RFX3: variants seen among roughly 807,000 people sequenced by gnomAD.
RFX3 encodes regulatory factor X3.
RFX3 carries 14 observed loss-of-function variants against 98.6 expected under a neutral mutation model. The ratio of observed to expected loss-of-function variants is 0.14; its 90% CI spans 0.09 to 0.22. The LOEUF is 0.22. Ranked by LOEUF, RFX3 falls within the 10% of genes least tolerant of loss-of-function variation. The probability of loss-of-function intolerance (pLI) is 1.00; values close to 1 mark genes in which losing one functional copy is unlikely to be tolerated. For missense variants in RFX3, 639 were observed against 926.9 expected, an observed-to-expected ratio of 0.69 and a Z score of 4.03; for synonymous variants, 383 against 328.4, an observed-to-expected ratio of 1.17 and a Z score of -1.80.
At chr9:3,428,191 A>G (rs1844299826) in intron 1 of RFX3, among the ~76,000 whole-genome samples, 1 of 152,192 alleles carries the variant, frequency 6.6e-6, no homozygotes, top group Non-Finnish European at 1.5e-5. Context: ...TCAAGGCATT[A>G]CATCAAGGCA....
At chr9:3,384,933 C>G (rs1323401454) in intron 2 of RFX3, among the ~76,000 whole-genome samples, 4 of 152,136 alleles carry the variant, frequency 2.6e-5, no homozygotes, top group Middle Eastern at 3.2e-3. Context: ...TACCTCTATT[C>G]CTCAAATCTT....
At chr9:3,349,202 C>G (rs1042510815) in intron 2 of RFX3, among the ~76,000 whole-genome samples, 1 of 151,720 alleles carries the variant, frequency 6.6e-6, no homozygotes, top group Non-Finnish European at 1.5e-5. Context: ...ATTTTGGTTA[C>G]TGGAGATTTT....
intron 16 of RFX3, 66 bp from the exon 17 acceptor site, chr9:3,225,346 C>T: frequency 6.3e-7 from 1 of 1,584,460 alleles, no homozygotes; most frequent in East Asian, 2.2e-5. Context: ...TCAACAGGTG[C>T]TTTAGAAACA....
At chr9:3,419,843 T>C (rs1843294036) in intron 1 of RFX3, among the ~76,000 whole-genome samples, 1 of 152,270 alleles carries the variant, frequency 6.6e-6, no homozygotes, top group African/African-American at 2.4e-5. Context: ...AATAATTTTT[T>C]ATTGTTTTTC....
chr9:3,238,785 T>G (rs1032407030), intron 15 of RFX3, among the ~76,000 whole-genome samples: 1 of 152,130 alleles, frequency 6.6e-6, no homozygotes, highest in African/African-American at 2.4e-5. Context: ...GTCGGGAGTT[T>G]GACACCAGCC....
intron 5 of RFX3, among the ~76,000 whole-genome samples, chr9:3,299,980 G>T (rs917698809): frequency 6.6e-6 from 1 of 150,716 alleles, no homozygotes. Flanking sequence ...AAGTCTGAAA[G>T]CTGAAACAGG....
intron 1 of RFX3, among the ~76,000 whole-genome samples, chr9:3,456,719 T>G (rs1847183521): frequency 6.6e-6 from 1 of 152,148 alleles, no homozygotes; most frequent in African/African-American, 2.4e-5. Flanking sequence ...TCTGAAACCG[T>G]GCTAAATCAA....
rs568907257 is a variant in RFX3, at chr9:3,395,163, G to T, written c.117+309C>A. On this transcript the variant is annotated intron_variant, in intron 2 of 16. Coordinates refer to ENST00000617270, the MANE Select transcript of RFX3 (RefSeq NM_001282116.2). ...ATAGAAAGTTGTGATAAACAATGAG[G>T]AGAGAAGAGAAGGAGAAAACTTTGA... 4.9e-4 allele frequency among the ~76,000 whole-genome samples: 75 copies of T among 152,294 alleles called. 1 individual carries two copies. The South Asian group carries it at 0.013, about 26-fold the overall frequency.
At chr9:3,478,150 T>G (rs1849431104) in intron 1 of RFX3, among the ~76,000 whole-genome samples, 1 of 152,158 alleles carries the variant, frequency 6.6e-6, no homozygotes, top group Admixed American at 6.5e-5. Flanking sequence ...CACAGGGACT[T>G]TTTTTGTTCG....
chr9:3,444,225 C>T (rs1386078055), intron 1 of RFX3, among the ~76,000 whole-genome samples: 2 of 152,124 alleles, frequency 1.3e-5, no homozygotes, highest in South Asian at 4.2e-4. Context: ...AAATACTACT[C>T]ATCAATAAAA....
chr9:3,426,278 A>T (rs1844018490), intron 1 of RFX3, among the ~76,000 whole-genome samples: 1 of 151,780 alleles, frequency 6.6e-6, no homozygotes, highest in Admixed American at 6.6e-5. Flanking sequence ...ATAATGTATG[A>T]TGATCGGGTC....
At chr9:3,344,339 T>C (rs542911135) in intron 3 of RFX3, among the ~76,000 whole-genome samples, 2 of 152,164 alleles carry the variant, frequency 1.3e-5, no homozygotes, top group Non-Finnish European at 2.9e-5. Context: ...TTTTGAAATA[T>C]TTGCATTATA....
intron 11 of RFX3, 114 bp downstream of exon 11, chr9:3,270,257 C>A: frequency 8.9e-7 from 1 of 1,118,580 alleles, no homozygotes; most frequent in Non-Finnish European, 1.3e-6. Context: ...TGTTTTCTAT[C>A]TGGCAAATCT....
chr9:3,298,262 C>T (rs1270933995), intron 5 of RFX3, among the ~76,000 whole-genome samples: 1 of 151,748 alleles, frequency 6.6e-6, no homozygotes, highest in East Asian at 1.9e-4. Context: ...CTGAAGGCTG[C>T]ATATAGAGAA....
At chr9:3,266,419 A>G in intron 11 of RFX3, 114 bp from the exon 12 acceptor site, 1 of 467,248 alleles carries the variant, frequency 2.1e-6, no homozygotes, top group South Asian at 5.3e-5. Flanking sequence ...CAGAACTCAT[A>G]TTGTCCTCAT....
intron 4 of RFX3, among the ~76,000 whole-genome samples, chr9:3,311,838 T>C (rs914488810): frequency 8.7e-5 from 13 of 148,782 alleles, no homozygotes; most frequent in Non-Finnish European, 1.8e-4. Flanking sequence ...GAGCCAAGAT[T>C]GCACCACTGC....
At chr9:3,506,465 G>C (rs2133785917) in intron 1 of RFX3, among the ~76,000 whole-genome samples, 1 of 151,704 alleles carries the variant, frequency 6.6e-6, no homozygotes, top group East Asian at 1.9e-4. Flanking sequence ...CCAAAGTTTG[G>C]GATATTCAAA....
intron 2 of RFX3, 97 bp from the exon 3 acceptor site, chr9:3,346,861 T>G: frequency 1.3e-6 from 1 of 755,734 alleles, no homozygotes; most frequent in Non-Finnish European, 2.3e-6. Flanking sequence ...GTATTATTGA[T>G]AAATTTGAGA....
chr9:3,289,191 A>G (rs1443205), intron 6 of RFX3, among the ~76,000 whole-genome samples: 31,055 of 152,066 alleles, frequency 0.2, 4,323 homozygotes, highest in African/African-American at 0.4. Flanking sequence ...GAAATGCAAG[A>G]AGAGTGTGGA....
Sources: allele counts gnomAD v4.1 joint callset (sites outside exome capture counted in the v4.1 genomes callset), GRCh38; gene constraint gnomAD v4.1.1; transcripts MANE v1.5; gene names NCBI Gene and HGNC (gene_info 2026-07-23, HGNC 2026-07-21).